The following VSTM2B variants were observed in gnomAD, a reference collection of about 807,000 sequenced individuals.
The protein encoded by VSTM2B is V-set and transmembrane domain containing 2B.
Under a neutral mutation model 24.0 loss-of-function variants are expected in VSTM2B, and 24 were observed. The ratio of observed to expected loss-of-function variants is 1.00; its 90% CI spans 0.72 to 1.40. The LOEUF (loss-of-function observed/expected upper bound fraction) is 1.40, where lower values mean the gene tolerates loss of function less well. VSTM2B is among the 40% of genes most tolerant of loss of function. The pLI is 0.00. For synonymous variants in VSTM2B, 226 were observed against 194.4 expected, an observed-to-expected ratio of 1.16 and a Z score of -1.35; for missense variants, 399 against 416.4, an observed-to-expected ratio of 0.96 and a Z score of 0.36.
chr19:29,541,320 C>T (rs1970013558), intron 4 of VSTM2B, among the ~76,000 whole-genome samples: 1 of 152,068 alleles, frequency 6.6e-6, no homozygotes, highest in South Asian at 2.1e-4. Context: ...GGCAGTGATC[C>T]AGTCAAGAGA....
Position 29,553,055 on chromosome 19 carries a change from G to A in VSTM2B, c.770-10791G>A, listed in dbSNP as rs1970322769. ...TCCCCTGCTGGCTCTGAGGAATCTG[G>A]GCAGTCTGGACAAGTGAGATCCCCC... On this transcript the variant is annotated intron_variant, in intron 4 of 4. Coordinates refer to ENST00000335523, the MANE Select transcript of VSTM2B (RefSeq NM_001146339.2). 2.6e-5 allele frequency among the ~76,000 whole-genome samples: 4 copies of A among 152,138 alleles called. No individual in the cohort carries two copies. In the South Asian group the frequency reaches 8.3e-4, roughly 31 times the overall value.
chr19:29,530,610 G>T (rs535096029), intron 4 of VSTM2B, among the ~76,000 whole-genome samples: 33 of 152,290 alleles, frequency 2.2e-4, no homozygotes, highest in African/African-American at 7.9e-4. Flanking sequence ...ACTGGACCCT[G>T]AGGGCTGAGC....
rs964390926 is a variant in VSTM2B at position 29,526,882 on chromosome 19, C to T, written c.82+217C>T. The T allele has an allele frequency of 8.1e-6, 4 of 494,758 alleles. No individual in the cohort carries two copies. The highest frequency in any genetic ancestry group is 6.1e-5 in the African/African-American group (3 of 49,022). 30.6% of individuals were successfully genotyped at this position (494,758 alleles called of 1,614,324 possible). ...GTCGTTCCCAGTCCCGCCGGGGCCC[C>T]GGCTGCGGAAAGGATGCCTGCGGGG... On this transcript the variant is annotated intron_variant, in intron 1 of 4. Coordinates refer to ENST00000335523, the MANE Select transcript of VSTM2B (RefSeq NM_001146339.2). The surrounding 1 kb of genome is among the most constrained non-coding windows in gnomAD (Gnocchi z 4.1).
At position 29,526,463 on chromosome 19, in the gene VSTM2B, C is replaced by G. The variant is rs1012148674; in HGVS notation, c.-121C>G. Reference sequence around the variant, plus strand: ...GGCCGCCGGCGGCCAGGGGAGGGGGCGCCGCGCGGGGCCATGGCAGGCTCG... The same window carrying G: ...GGCCGCCGGCGGCCAGGGGAGGGGGGGCCGCGCGGGGCCATGGCAGGCTCG... On this transcript the variant is annotated 5_prime_UTR_variant, in exon 1 of 5. Coordinates refer to ENST00000335523, the MANE Select transcript of VSTM2B (RefSeq NM_001146339.2). This position sits in a 1 kb window ranked among gnomAD's most constrained non-coding sequence, Gnocchi z 4.1. The G allele has an allele frequency of 1.9e-6, 1 of 514,312 alleles. No individual in the cohort carries two copies. Among genetic ancestry groups the G allele is most frequent in the East Asian group, 5.1e-5 (1 of 19,714 alleles). The allele number at this position is 514,312 out of a possible 1,614,324, so 31.9% of individuals were successfully genotyped here.
Position 29,543,458 on chromosome 19 carries a change from A to G in VSTM2B, c.769+13168A>G, listed in dbSNP as rs866092804. 9.5e-4 allele frequency among the ~76,000 whole-genome samples: 144 copies of G among 152,228 alleles called. 3 individuals carry two copies. The highest frequency in any genetic ancestry group is 3.2e-4 in the Non-Finnish European group (22 of 68,046). On this transcript the variant is annotated intron_variant, in intron 4 of 4. Coordinates refer to ENST00000335523, the MANE Select transcript of VSTM2B (RefSeq NM_001146339.2). Reference sequence around the variant, plus strand: ...AAATATCCAGGTGTCACTGAGGTGGAACCCAAAGGCGGATTGTAATGGGAA... The same window carrying G: ...AAATATCCAGGTGTCACTGAGGTGGGACCCAAAGGCGGATTGTAATGGGAA...
At chr19:29,560,823 G>A (rs1318870808) in intron 4 of VSTM2B, among the ~76,000 whole-genome samples, 2 of 152,190 alleles carry the variant, frequency 1.3e-5, no homozygotes, top group Non-Finnish European at 2.9e-5. Flanking sequence ...AAATCTCCAT[G>A]CCAACGGTCC....
chr19:29,557,778 A>G (rs559639044), intron 4 of VSTM2B, among the ~76,000 whole-genome samples: 4 of 152,200 alleles, frequency 2.6e-5, no homozygotes, highest in Non-Finnish European at 5.9e-5. Flanking sequence ...ACCATTTGGG[A>G]CATAGGCACA....
At chr19:29,528,788 C>T (rs1296739163) in intron 3 of VSTM2B, among the ~76,000 whole-genome samples, 1 of 152,268 alleles carries the variant, frequency 6.6e-6, no homozygotes, top group East Asian at 1.9e-4. Flanking sequence ...GGGCATTCCT[C>T]CTAGCACCGG....
Position 29,526,446 on chromosome 19 carries a change from G to C in VSTM2B, c.-138G>C. 2 of 345,422 alleles carry C rather than the reference G, an allele frequency of 5.8e-6. No homozygotes were observed. The highest frequency in any genetic ancestry group is 9.4e-6 in the Non-Finnish European group (2 of 213,154). 21.4% of individuals were successfully genotyped at this position (345,422 alleles called of 1,614,324 possible). On this transcript the variant is annotated 5_prime_UTR_variant, in exon 1 of 5. Transcript: ENST00000335523. The surrounding 1 kb of genome is among the most constrained non-coding windows in gnomAD (Gnocchi z 4.1). The stretch of plus-strand genomic sequence containing the variant: ...GAGCGGGGCTGATTGGCGGCCGCCG[G>C]CGGCCAGGGGAGGGGGCGCCGCGCG...
Position 29,526,353 on chromosome 19 carries a change from G to T in VSTM2B, c.-231G>T. On this transcript the variant is annotated 5_prime_UTR_variant, in exon 1 of 5. Transcript: ENST00000335523. This position sits in a 1 kb window ranked among gnomAD's most constrained non-coding sequence, Gnocchi z 4.1. ...GACCGATCGCCAGCAGCCTCCCGGT[G>T]GGACCGCGTCTCCTGCACACCCCGC... 1 of 184,906 alleles carries T rather than the reference G, an allele frequency of 5.4e-6. No individual in the cohort carries two copies. The highest frequency in any genetic ancestry group is 1.5e-4 in the East Asian group (1 of 6,458). The allele number at this position is 184,906 out of a possible 1,614,324, so 11.5% of individuals were successfully genotyped here. A position where few individuals can be genotyped will look rare whatever the true frequency, so the allele number is the denominator to read the frequency against.
intron 4 of VSTM2B, among the ~76,000 whole-genome samples, chr19:29,551,288 G>T (rs545741141): frequency 1.3e-5 from 2 of 152,220 alleles, no homozygotes; most frequent in African/African-American, 2.4e-5. Flanking sequence ...TGGGTCAGAC[G>T]ATGGCCTGGA....
At chr19:29,530,371 G>A in intron 4 of VSTM2B, 81 bp downstream of exon 4, 1 of 1,269,758 alleles carries the variant, frequency 7.9e-7, no homozygotes, top group African/African-American at 1.6e-5. Flanking sequence ...GGGGGCTCCG[G>A]ACCCAGGACC....
chr19:29,559,811 C>T (rs1970488198), intron 4 of VSTM2B, among the ~76,000 whole-genome samples: 2 of 152,138 alleles, frequency 1.3e-5, no homozygotes, highest in Non-Finnish European at 2.9e-5. Context: ...CTGTTGTTTA[C>T]ATGTTTGTAT....
chr19:29,563,614 C>T (rs1443956526), intron 4 of VSTM2B, among the ~76,000 whole-genome samples: 5 of 152,192 alleles, frequency 3.3e-5, no homozygotes, highest in East Asian at 3.8e-4. Flanking sequence ...TCAGGCCAGG[C>T]GCTTGTGTCT....
At chr19:29,529,224 A>C (rs1320468712) in intron 3 of VSTM2B, 1 of 771,960 alleles carries the variant, frequency 1.3e-6, no homozygotes, top group Non-Finnish European at 1.6e-6. Context: ...GGTTGGTAGC[A>C]GGTGGCCAGG....
rs1463408686 is a variant in VSTM2B at position 29,564,491 on chromosome 19, G to A, written c.*557G>A. The A allele has an allele frequency of 1.3e-5, 2 of 152,344 alleles. No homozygotes were observed. Among genetic ancestry groups the A allele is most frequent in the Admixed American group, 6.5e-5 (1 of 15,300 alleles). The allele number at this position is 152,344 out of a possible 1,614,324, so 9.4% of individuals were successfully genotyped here. ...AGATTGGAAACAAGGTCAGACACTT[G>A]TTTATAAACTGTATTGTATATTGCT... On this transcript the variant is annotated 3_prime_UTR_variant, in exon 5 of 5. Transcript: ENST00000335523.
At chr19:29,558,110 A>T (rs1002456680) in intron 4 of VSTM2B, among the ~76,000 whole-genome samples, 1 of 152,152 alleles carries the variant, frequency 6.6e-6, no homozygotes, top group Admixed American at 6.5e-5. Context: ...TATATATATA[A>T]AGCTCAACAT....
intron 2 of VSTM2B, 68 bp downstream of exon 2, chr19:29,527,463 G>A (rs1969611525): frequency 1.5e-6 from 2 of 1,349,056 alleles, no homozygotes; most frequent in Non-Finnish European, 1.9e-6. Context: ...GGCTAACCCA[G>A]GGAGGGAAGC....
intron 3 of VSTM2B, 104 bp from the exon 4 acceptor site, chr19:29,529,715 G>C: frequency 8.7e-7 from 1 of 1,146,978 alleles, no homozygotes; most frequent in South Asian, 1.4e-5. Flanking sequence ...ACCAGGATCC[G>C]GGAAGTGTTG....
Sources: gnomAD v4.1 joint callset for allele counts (sites outside exome capture counted in the v4.1 genomes callset) on GRCh38, gnomAD v4.1.1 for gene constraint, Gnocchi (gnomAD v3.1) non-coding constraint, MANE v1.5 for transcripts, NCBI Gene and HGNC (gene_info 2026-07-23, HGNC 2026-07-21) for gene names.